CDH11: variants seen among roughly 807,000 people sequenced by gnomAD.
The protein encoded by CDH11 is cadherin-11.
A neutral mutation model predicts 67.8 loss-of-function variants in CDH11; 11 were observed. That is an observed-to-expected ratio of 0.16 (90% CI 0.10 to 0.27). The LOEUF (loss-of-function observed/expected upper bound fraction) is 0.27. Among genes scored for constraint, CDH11 ranks in the 10% least tolerant of loss-of-function variants. The probability of loss-of-function intolerance (pLI) is 1.00; values close to 1 mark genes in which losing one functional copy is unlikely to be tolerated. For synonymous variants in CDH11, 419 were observed against 400.0 expected (o/e 1.05, Z -0.57); for missense variants, 847 against 1,031.2 (o/e 0.82, Z 2.45).
chr16:65,073,225 C>CA (rs2074450030), intron 1 of CDH11, among the ~76,000 whole-genome samples: 1 of 152,160 alleles, frequency 6.6e-6, no homozygotes, highest in Non-Finnish European at 1.5e-5. Context: ...CCCTCTCCCC[C>CA]AAAAATCCAG....
intron 8 of CDH11, among the ~76,000 whole-genome samples, chr16:64,978,912 C>T (rs1043203551): frequency 1.3e-4 from 19 of 151,574 alleles, no homozygotes; most frequent in African/African-American, 4.1e-4. Flanking sequence ...AAAGAATAGA[C>T]CCACTAGAAT....
chr16:65,080,117 T>C (rs1046712174), intron 1 of CDH11, among the ~76,000 whole-genome samples: 1 of 152,214 alleles, frequency 6.6e-6, no homozygotes, highest in Non-Finnish European at 1.5e-5. Flanking sequence ...CCTGACTTAA[T>C]ATAAACCCTG....
chr16:65,001,912 C>T (rs1206145287), intron 3 of CDH11, among the ~76,000 whole-genome samples: 1 of 152,128 alleles, frequency 6.6e-6, no homozygotes, highest in East Asian at 1.9e-4. Flanking sequence ...GCTTCCCTCT[C>T]TGCATAGCAC....
intron 11 of CDH11, among the ~76,000 whole-genome samples, chr16:64,958,921 C>G (rs1328901669): frequency 6.6e-6 from 1 of 152,152 alleles, no homozygotes; most frequent in Non-Finnish European, 1.5e-5. Context: ...CACAGACATA[C>G]ACACGCAAAC....
chr16:64,996,949 C>T (rs2072784282), intron 4 of CDH11, among the ~76,000 whole-genome samples: 1 of 152,074 alleles, frequency 6.6e-6, no homozygotes, highest in Non-Finnish European at 1.5e-5. Flanking sequence ...GTGATGGGGT[C>T]ATTCATACCA....
chr16:64,956,112 C>G (rs961871291), intron 11 of CDH11, among the ~76,000 whole-genome samples: 1 of 152,108 alleles, frequency 6.6e-6, no homozygotes, highest in Admixed American at 6.5e-5. Flanking sequence ...TATAAAGATT[C>G]TAAGAAGCAA....
intron 11 of CDH11, among the ~76,000 whole-genome samples, chr16:64,956,268 T>C (rs559536940): frequency 3.9e-5 from 6 of 152,344 alleles, no homozygotes; most frequent in African/African-American, 1.4e-4. Flanking sequence ...TTAAATTTGA[T>C]TCCATTCATA....
At chr16:64,957,665 C>T (rs1055811754) in intron 11 of CDH11, among the ~76,000 whole-genome samples, 23 of 150,246 alleles carry the variant, frequency 1.5e-4, no homozygotes, top group South Asian at 2.1e-4. Flanking sequence ...CATATATATA[C>T]GCATAAATAA....
intron 2 of CDH11, among the ~76,000 whole-genome samples, chr16:65,041,275 A>G (rs2073862868): frequency 6.6e-6 from 1 of 152,138 alleles, no homozygotes; most frequent in Admixed American, 6.5e-5. Flanking sequence ...AGGTGCACAC[A>G]TGGGTACCAA....
At position 65,056,846 on chromosome 16, in the gene CDH11, T is replaced by A. The variant is rs180909357; in HGVS notation, c.-297-2918A>T. 5.0e-4 allele frequency among the ~76,000 whole-genome samples: 76 copies of A among 152,312 alleles called. 1 individual carries two copies. The East Asian group carries it at 0.011, about 22-fold the overall frequency. ...GACCGATCGAACTCCCCACTTTGTC[T>A]TGCATTCTTTACCTCCCTGCAAAAT... On this transcript the variant is annotated intron_variant, in intron 1 of 12. Transcript: ENST00000268603.
In CDH11 at chr16:64,994,199, T is replaced by C. The variant is rs2072709091; in HGVS notation, c.524-1165A>G. Among the ~76,000 whole-genome samples, 3 of 152,308 alleles carry C rather than the reference T, an allele frequency of 2.0e-5. No individual in the cohort carries two copies. The South Asian group carries it at 6.2e-4, about 32-fold the overall frequency. On this transcript the variant is annotated intron_variant, in intron 4 of 12. Coordinates refer to ENST00000268603, the MANE Select transcript of CDH11 (RefSeq NM_001797.4). Reference sequence around the variant, plus strand: ...CTAGTTACTCTTCTATAATTCATTATTTCATAGAAACAATCTCTTTGGAGC... The same window carrying C: ...CTAGTTACTCTTCTATAATTCATTACTTCATAGAAACAATCTCTTTGGAGC...
intron 8 of CDH11, among the ~76,000 whole-genome samples, chr16:64,973,910 G>A (rs886537867): frequency 1.3e-5 from 2 of 152,136 alleles, no homozygotes; most frequent in Non-Finnish European, 2.9e-5. Context: ...GAGTTCCAGC[G>A]TGTAATGTAC....
At chr16:64,952,007 C>T (rs574348693) in intron 11 of CDH11, among the ~76,000 whole-genome samples, 41 of 152,260 alleles carry the variant, frequency 2.7e-4, no homozygotes, top group African/African-American at 8.9e-4. Context: ...CACCTTGCTT[C>T]CCAGGCTCAC....
chr16:65,036,110 CTG>C (rs1325626744), intron 2 of CDH11, among the ~76,000 whole-genome samples: 1 of 152,048 alleles, frequency 6.6e-6, no homozygotes, highest in Non-Finnish European at 1.5e-5. Context: ...GCACACAGCC[CTG>C]TGTGTTTTTA....
intron 2 of CDH11, among the ~76,000 whole-genome samples, chr16:65,013,901 A>C (rs2073236857): frequency 6.6e-6 from 1 of 152,098 alleles, no homozygotes; most frequent in South Asian, 2.1e-4. Context: ...AAAAAGAGAC[A>C]ATGTGTGTAC....
At chr16:65,035,312 C>G (rs2073731183) in intron 2 of CDH11, among the ~76,000 whole-genome samples, 1 of 152,148 alleles carries the variant, frequency 6.6e-6, no homozygotes, top group East Asian at 1.9e-4. Context: ...CTTTATCTTA[C>G]AAATGAGCGA....
chr16:65,097,074 G>A lies in CDH11; in HGVS notation c.-298+24806C>T, dbSNP rs553154770. ...ATAATATCTTTTAAAGCCTCTTCTC[G>A]TTATTACCTTTTATCTGGTTGTTTT... On this transcript the variant is annotated intron_variant, in intron 1 of 12. Transcript: ENST00000268603. Among the ~76,000 whole-genome samples, 23 of 152,058 alleles carry A rather than the reference G, an allele frequency of 1.5e-4. No homozygotes were observed. In the South Asian group the frequency reaches 3.9e-3, roughly 26 times the overall value.
intron 2 of CDH11, among the ~76,000 whole-genome samples, chr16:65,042,169 A>G (rs1251697852): frequency 1.3e-5 from 2 of 152,230 alleles, no homozygotes; most frequent in Admixed American, 6.5e-5. Context: ...CTTGACATCC[A>G]GGACGTAGGG....
intron 1 of CDH11, among the ~76,000 whole-genome samples, chr16:65,099,059 A>G (rs560237702): frequency 6.6e-6 from 1 of 152,274 alleles, no homozygotes; most frequent in Non-Finnish European, 1.5e-5. Flanking sequence ...TCAGTCACTT[A>G]CTAACCCTTT....
Sources: allele counts gnomAD v4.1 joint callset (sites outside exome capture counted in the v4.1 genomes callset), GRCh38; gene constraint gnomAD v4.1.1; transcripts MANE v1.5; gene names NCBI Gene and HGNC (gene_info 2026-07-23, HGNC 2026-07-21).